Variants in DOCK5 observed in about 807,000 individuals in gnomAD.
The protein encoded by DOCK5 is dedicator of cytokinesis protein 5.
In DOCK5, 142 loss-of-function variants were observed where a neutral mutation model predicts 251.8. That is an observed-to-expected ratio of 0.56 (90% CI 0.49 to 0.65). The LOEUF is 0.65. DOCK5 is among the 30% of genes least tolerant of loss of function. The pLI is 0.00. For synonymous variants in DOCK5, 842 were observed against 835.5 expected, an observed-to-expected ratio of 1.01 and a Z score of -0.13; for missense variants, 2,111 against 2,312.3, an observed-to-expected ratio of 0.91 and a Z score of 1.79.
intron 11 of DOCK5, among the ~76,000 whole-genome samples, chr8:25,307,009 C>T (rs1386855619): frequency 1.3e-5 from 2 of 152,128 alleles, no homozygotes; most frequent in African/African-American, 4.8e-5. Context: ...TAACACAGTG[C>T]TATTTGTGTC....
At chr8:25,218,667 TC>T (rs1802310180) in intron 1 of DOCK5, among the ~76,000 whole-genome samples, 1 of 152,214 alleles carries the variant, frequency 6.6e-6, no homozygotes. Flanking sequence ...TTGTTCACTT[TC>T]CCGTTGTAGG....
intron 25 of DOCK5, among the ~76,000 whole-genome samples, chr8:25,345,240 C>G (rs1800336607): frequency 6.7e-6 from 1 of 149,540 alleles, no homozygotes; most frequent in African/African-American, 2.5e-5. Context: ...CCACCTTCAC[C>G]TGTGAGAAGG....
At chr8:25,403,844 C>T in intron 48 of DOCK5, 120 bp downstream of exon 48, 1 of 1,039,116 alleles carries the variant, frequency 9.6e-7, no homozygotes, top group Non-Finnish European at 1.4e-6. Context: ...TTGTCTTCCT[C>T]ATGAGGAATG....
Position 25,411,424 on chromosome 8 carries a change from A to G in DOCK5, c.*126A>G, listed in dbSNP as rs1297242665. The G allele has an allele frequency of 7.9e-7, 1 of 1,263,480 alleles. No individual in the cohort carries two copies. Among genetic ancestry groups the G allele is most frequent in the Non-Finnish European group, 1.0e-6 (1 of 985,510 alleles). 78.3% of individuals were successfully genotyped at this position (1,263,480 alleles called of 1,614,324 possible). On this transcript the variant is annotated 3_prime_UTR_variant, in exon 52 of 52. Coordinates refer to ENST00000276440, the MANE Select transcript of DOCK5 (RefSeq NM_024940.8). ...CATTTCCTGATCTGGGATGATGTTT[A>G]CCAGCCCAAAACCAGTCATGTTCTT...
Position 25,254,773 on chromosome 8 carries a change from C to CAAAAAAAAAAAAAAAAAAAAAAA in DOCK5, c.127+11025_127+11026insAAAAAAAAAAAAAAAAAAAAAAA, listed in dbSNP as rs745860086. Among the ~76,000 whole-genome samples the CAAAAAAAAAAAAAAAAAAAAAAA allele has an allele frequency of 3.0e-4, 2 of 6,560 alleles. 1 individual carries two copies. The highest frequency in any genetic ancestry group is 5.7e-4 in the Non-Finnish European group (2 of 3,534). The allele number at this position is 6,560 out of a possible 152,430, so 4.3% of individuals were successfully genotyped here. ...CTGGCGACAAAGCAAGACTTTGTCT[C>CAAAAAAAAAAAAAAAAAAAAAAA]AAAAAAAAACAAAACAAAACAAAAA... On this transcript the variant is annotated intron_variant, in intron 2 of 51. Transcript: ENST00000276440.
chr8:25,201,276 TA>T (rs1801873858), intron 1 of DOCK5, among the ~76,000 whole-genome samples: 1 of 152,204 alleles, frequency 6.6e-6, no homozygotes. Flanking sequence ...TTGAAGACAA[TA>T]AAGTATGATG....
At chr8:25,332,562 T>A (rs369631662) in intron 19 of DOCK5, 41 bp from the exon 20 acceptor site, 1 of 1,529,238 alleles carries the variant, frequency 6.5e-7, no homozygotes, top group African/African-American at 1.4e-5. Flanking sequence ...TGGGGCTGAA[T>A]GAAAGCATCA....
intron 10 of DOCK5, among the ~76,000 whole-genome samples, chr8:25,303,721 G>A (rs1259619257): frequency 2.0e-5 from 3 of 152,116 alleles, no homozygotes; most frequent in Non-Finnish European, 2.9e-5. Flanking sequence ...CAGCACTTTG[G>A]GAGGCCGAGG....
chr8:25,369,700 CA>C (rs1800839450), intron 34 of DOCK5, 59 bp downstream of exon 34: 1 of 1,471,048 alleles, frequency 6.8e-7, no homozygotes. Context: ...TAGAGAAAAA[CA>C]GGGGTCCTGT....
At chr8:25,380,739 G>C (rs943748956) in intron 39 of DOCK5, among the ~76,000 whole-genome samples, 1 of 152,138 alleles carries the variant, frequency 6.6e-6, no homozygotes, top group Admixed American at 6.5e-5. Context: ...TTTTCTTTCT[G>C]TGGGCCCTCC....
chr8:25,285,028 T>A (rs1247222370), intron 5 of DOCK5, among the ~76,000 whole-genome samples: 1 of 152,242 alleles, frequency 6.6e-6, no homozygotes, highest in Non-Finnish European at 1.5e-5. Flanking sequence ...AATCGGGCTG[T>A]TTTGTTCGTG....
chr8:25,337,908 CA>C (rs1805855823), intron 22 of DOCK5, among the ~76,000 whole-genome samples: 1 of 151,754 alleles, frequency 6.6e-6, no homozygotes, highest in African/African-American at 2.4e-5. Flanking sequence ...AATGATAAAA[CA>C]AAGGTATTAA....
In DOCK5 at chr8:25,377,430, T is replaced by C. The variant is rs1352180801; in HGVS notation, c.3936+6T>C. 5.6e-6 allele frequency: 9 copies of C among 1,612,098 alleles called. No homozygotes were observed. In the East Asian group the frequency reaches 8.9e-5, roughly 16 times the overall value. ...CATATTTCGACAAAGGCAAAGTGAGTATTGGATTGTTTTTGTACTAGGGGA... is the reference window on the plus strand; with the variant it reads ...CATATTTCGACAAAGGCAAAGTGAGCATTGGATTGTTTTTGTACTAGGGGA... On this transcript the variant is annotated splice_donor_region_variant and intron_variant, in intron 38 of 51. Coordinates refer to ENST00000276440, the MANE Select transcript of DOCK5 (RefSeq NM_024940.8).
intron 8 of DOCK5, chr8:25,299,601 G>A (rs983464595): frequency 6.6e-6 from 1 of 152,374 alleles, no homozygotes; most frequent in African/African-American, 2.4e-5. Flanking sequence ...ATGGTCGGGG[G>A]AATGTTGGTA....
intron 10 of DOCK5, among the ~76,000 whole-genome samples, chr8:25,304,046 C>G (rs559099731): frequency 1.3e-5 from 2 of 152,220 alleles, no homozygotes; most frequent in Non-Finnish European, 2.9e-5. Flanking sequence ...CCAGTAAAAC[C>G]CAGACCCCTT....
chr8:25,256,833 C>A (rs554657724), intron 2 of DOCK5, among the ~76,000 whole-genome samples: 11 of 151,190 alleles, frequency 7.3e-5, no homozygotes, highest in Non-Finnish European at 1.5e-4. Flanking sequence ...CCATGTTTCT[C>A]GATTATTCTA....
chr8:25,348,699 G>A (rs954176518), intron 26 of DOCK5, among the ~76,000 whole-genome samples: 2 of 152,000 alleles, frequency 1.3e-5, no homozygotes, highest in Admixed American at 6.6e-5. Context: ...TTAGCTGGGC[G>A]TGGTGGTGCG....
At chr8:25,191,008 TCTC>T (rs1173220613) in intron 1 of DOCK5, among the ~76,000 whole-genome samples, 3 of 151,870 alleles carry the variant, frequency 2.0e-5, no homozygotes, top group Non-Finnish European at 4.4e-5. Flanking sequence ...ATGGTCTTGA[TCTC>T]CTGAACTTGG....
intron 18 of DOCK5, among the ~76,000 whole-genome samples, chr8:25,329,827 T>C (rs1805641875): frequency 6.6e-6 from 1 of 152,168 alleles, no homozygotes; most frequent in Non-Finnish European, 1.5e-5. Context: ...ATAGACACTA[T>C]ACAGCGAGAA....
Sources: gnomAD v4.1 joint callset for allele counts (sites outside exome capture counted in the v4.1 genomes callset) on GRCh38, gnomAD v4.1.1 for gene constraint, MANE v1.5 for transcripts, NCBI Gene and HGNC (gene_info 2026-07-23, HGNC 2026-07-21) for gene names.